The following NRP1 variants were observed in gnomAD, a reference collection of about 807,000 sequenced individuals.
NRP1 encodes neuropilin-1.
Under a neutral mutation model 106.7 loss-of-function variants are expected in NRP1, and 35 were observed. The observed-to-expected ratio is 0.33, with a 90% CI of 0.25 to 0.43. NRP1 has a LOEUF of 0.43. Among genes scored for constraint, NRP1 ranks in the 20% least tolerant of loss-of-function variants. The probability of loss-of-function intolerance (pLI) is 1.00; values close to 1 mark genes in which losing one functional copy is unlikely to be tolerated. For missense variants in NRP1, 1,024 were observed against 1,170.4 expected, an observed-to-expected ratio of 0.87 and a Z score of 1.83; for synonymous variants, 437 against 417.9, an observed-to-expected ratio of 1.05 and a Z score of -0.56.
chr10:33,194,683 T>C (rs1193432615), intron 12 of NRP1: 1 of 503,484 alleles, frequency 2.0e-6, no homozygotes. Context: ...ATGTAACTTG[T>C]GGCAATTTGG....
intron 6 of NRP1, among the ~76,000 whole-genome samples, chr10:33,243,572 C>T (rs1427890731): frequency 1.3e-5 from 2 of 152,138 alleles, no homozygotes; most frequent in African/African-American, 4.8e-5. Flanking sequence ...AAGAATAAAA[C>T]TTTGGTAGAA....
chr10:33,323,847 C>T (rs1343990659), intron 2 of NRP1, among the ~76,000 whole-genome samples: 2 of 152,162 alleles, frequency 1.3e-5, no homozygotes, highest in Admixed American at 6.5e-5. Flanking sequence ...GCCATGTCAG[C>T]AGGCATGCAA....
chr10:33,286,108 G>T (rs967709287), intron 2 of NRP1, among the ~76,000 whole-genome samples: 1 of 152,098 alleles, frequency 6.6e-6, no homozygotes, highest in African/African-American at 2.4e-5. Context: ...ACTTCCCTAT[G>T]ATGAGTTTCT....
rs1242070852 is a variant in NRP1, at chr10:33,180,030, T to C, written c.*46A>G. On this transcript the variant is annotated 3_prime_UTR_variant, in exon 17 of 17. Coordinates refer to ENST00000374867, the MANE Select transcript of NRP1 (RefSeq NM_003873.7). ...TCAACAGCTCCCCAGCTCACTCCCGTCCTTCCACTTCCGTCCTTTGACTGT... is the reference window on the plus strand; with the variant it reads ...TCAACAGCTCCCCAGCTCACTCCCGCCCTTCCACTTCCGTCCTTTGACTGT... 6.3e-7 allele frequency: 1 copy of C among 1,584,492 alleles called. No homozygotes were observed. The highest frequency in any genetic ancestry group is 1.2e-5 in the South Asian group (1 of 85,832).
intron 4 of NRP1, among the ~76,000 whole-genome samples, chr10:33,262,004 G>T (rs940615136): frequency 2.6e-5 from 4 of 152,148 alleles, no homozygotes; most frequent in Non-Finnish European, 5.9e-5. Context: ...CCAAAGTGTT[G>T]GGATTACAGG....
At chr10:33,196,151 C>T (rs973722676) in intron 12 of NRP1, among the ~76,000 whole-genome samples, 1 of 152,112 alleles carries the variant, frequency 6.6e-6, no homozygotes, top group African/African-American at 2.4e-5. Context: ...ATTTTCTACA[C>T]AGCTGTTGTT....
At chr10:33,259,551 T>C (rs1842437845) in intron 4 of NRP1, among the ~76,000 whole-genome samples, 1 of 152,132 alleles carries the variant, frequency 6.6e-6, no homozygotes, top group African/African-American at 2.4e-5. Flanking sequence ...ATGAAAATGG[T>C]CACAAAAACA....
intron 14 of NRP1, among the ~76,000 whole-genome samples, 191 bp downstream of exon 14, chr10:33,186,026 T>C (rs1157296160): frequency 6.6e-6 from 1 of 152,218 alleles, no homozygotes; most frequent in Non-Finnish European, 1.5e-5. Flanking sequence ...AGCAAATTGG[T>C]TCTATTCCTG....
At position 33,243,875 on chromosome 10, in the gene NRP1, G is replaced by T. The variant is rs188633444; in HGVS notation, c.981+10153C>A. Reference sequence around the variant, plus strand: ...TTGAATCCAGAATTGAATGAGATTAGATGGCTAAGGGAGGGAGGGAGGGAA... The same window carrying T: ...TTGAATCCAGAATTGAATGAGATTATATGGCTAAGGGAGGGAGGGAGGGAA... On this transcript the variant is annotated intron_variant, in intron 6 of 16. Transcript: ENST00000374867. Among the ~76,000 whole-genome samples, 271 of 143,314 alleles carry T rather than the reference G, an allele frequency of 1.9e-3. 1 individual carries two copies. The highest frequency in any genetic ancestry group is 6.5e-3 in the African/African-American group (259 of 39,998). 94.0% of individuals were successfully genotyped at this position (143,314 alleles called of 152,430 possible). A position where few individuals can be genotyped will look rare whatever the true frequency, so the allele number is the denominator to read the frequency against.
chr10:33,202,766 G>A (rs919734332), intron 11 of NRP1, 125 bp downstream of exon 11: 1 of 1,583,216 alleles, frequency 6.3e-7, no homozygotes, highest in African/African-American at 1.3e-5. Flanking sequence ...TTCTGGCAAG[G>A]CAGCTTCTAT....
At position 33,213,627 on chromosome 10, in the gene NRP1, A is replaced by G. The variant is rs1425527048; in HGVS notation, c.1373T>C (p.Met458Thr). Residue 458 changes from methionine to threonine, a missense_variant, in exon 9 of 17, where the codon ATG becomes ACG. Around this residue, in one of 5 missense-constraint regions of NRP1, gnomAD observed 562 missense variants for 620.3 expected, o/e 0.91. Coordinates refer to ENST00000374867, the MANE Select transcript of NRP1 (RefSeq NM_003873.7). ...TSSNQGDRNW[M>T]PENIRLVTSR... Reference sequence around the variant, plus strand: ...GGTTACCAGGCGGATGTTTTCAGGCATCCAGTTTCTGTCCCCTTGGTTGGA... The same window carrying G: ...GGTTACCAGGCGGATGTTTTCAGGCGTCCAGTTTCTGTCCCCTTGGTTGGA... 3.7e-6 allele frequency: 6 copies of G among 1,614,154 alleles called. No individual in the cohort carries two copies. Among genetic ancestry groups the G allele is most frequent in the South Asian group, 2.2e-5 (2 of 91,068 alleles).
intron 9 of NRP1, among the ~76,000 whole-genome samples, chr10:33,209,741 T>G (rs1564384157): frequency 6.6e-6 from 1 of 152,264 alleles, no homozygotes; most frequent in Non-Finnish European, 1.5e-5. Context: ...CCTCCTGAAG[T>G]GCTGGGATTA....
At chr10:33,287,947 T>A (rs1340544806) in intron 2 of NRP1, among the ~76,000 whole-genome samples, 1 of 152,186 alleles carries the variant, frequency 6.6e-6, no homozygotes, top group Non-Finnish European at 1.5e-5. Flanking sequence ...ACGTCAGAGC[T>A]GTCTCAAGAT....
intron 13 of NRP1, 53 bp downstream of exon 13, chr10:33,192,228 C>A: frequency 1.3e-6 from 2 of 1,576,522 alleles, no homozygotes; most frequent in Non-Finnish European, 8.6e-7. Flanking sequence ...AACACAGCCT[C>A]GGAATCAAAG....
chr10:33,257,306 G>A (rs1162237125), intron 4 of NRP1, among the ~76,000 whole-genome samples: 15 of 152,124 alleles, frequency 9.9e-5, no homozygotes, highest in Admixed American at 8.5e-4. Context: ...TTGAGGAGGC[G>A]AATGATTGGG....
intron 10 of NRP1, among the ~76,000 whole-genome samples, chr10:33,204,867 G>T (rs1053898744): frequency 1.3e-5 from 2 of 151,960 alleles, no homozygotes; most frequent in Non-Finnish European, 2.9e-5. Context: ...GAGTAGCTGG[G>T]ATTACAGGCG....
intron 14 of NRP1, 53 bp downstream of exon 14, chr10:33,186,164 A>T: frequency 1.3e-6 from 2 of 1,525,646 alleles, no homozygotes; most frequent in East Asian, 2.3e-5. Flanking sequence ...CCAACATATC[A>T]TCTCAGCATT....
chr10:33,204,123 G>C (rs113644998), intron 10 of NRP1, among the ~76,000 whole-genome samples: 7 of 152,186 alleles, frequency 4.6e-5, no homozygotes, highest in African/African-American at 1.7e-4. Context: ...TACAAGACTT[G>C]AGATAATGGA....
At position 33,202,595 on chromosome 10, in the gene NRP1, A is replaced by G. The variant is rs577185144; in HGVS notation, c.1864+296T>C. On this transcript the variant is annotated intron_variant, in intron 11 of 16. Transcript: ENST00000374867. ...GGGGGGGTCTGAAAATAATGAAAAT[A>G]AGGATCGGTTTAGTACATTTAGCCA... The G allele has an allele frequency of 2.4e-4, 356 of 1,458,802 alleles. 3 individuals are homozygous for G. The Admixed American group carries it at 3.2e-3, about 13-fold the overall frequency. 90.4% of individuals were successfully genotyped at this position (1,458,802 alleles called of 1,614,324 possible). A position where few individuals can be genotyped will look rare whatever the true frequency, so the allele number is the denominator to read the frequency against.
Sources: allele counts gnomAD v4.1 joint callset (sites outside exome capture counted in the v4.1 genomes callset), GRCh38; gene constraint gnomAD v4.1.1; regional missense constraint gnomAD v4.1.1; transcripts MANE v1.5; gene names NCBI Gene and HGNC (gene_info 2026-07-23, HGNC 2026-07-21).